FYCO1: variants seen among roughly 807,000 people sequenced by gnomAD.
FYCO1 encodes the protein FYVE and coiled-coil domain autophagy adaptor 1, also known as FYVE and coiled-coil domain-containing protein 1.
FYCO1 carries 122 observed loss-of-function variants against 165.1 expected under a neutral mutation model. The observed-to-expected ratio is 0.74, with a 90% CI of 0.64 to 0.86. The LOEUF (loss-of-function observed/expected upper bound fraction) is 0.86. FYCO1 is among the 40% of genes least tolerant of loss of function. FYCO1 has a pLI of 0.00. For missense variants in FYCO1, 1,702 were observed against 1,810.3 expected (o/e 0.94, Z 1.09); for synonymous variants, 648 against 742.5 (o/e 0.87, Z 2.07).
At chr3:45,934,639 T>C (rs536835354) in intron 15 of FYCO1, among the ~76,000 whole-genome samples, 10 of 152,348 alleles carry the variant, frequency 6.6e-5, no homozygotes, top group African/African-American at 2.4e-4. Context: ...GTTTGATATA[T>C]GAAAGTCAAT....
At chr3:45,979,082 G>C (rs969802406) in intron 4 of FYCO1, among the ~76,000 whole-genome samples, 1 of 151,916 alleles carries the variant, frequency 6.6e-6, no homozygotes, top group African/African-American at 2.4e-5. Context: ...GGATGGTCTC[G>C]ATCTCCTGAC....
At chr3:45,936,421 AG>A in intron 15 of FYCO1, 26 bp downstream of exon 15, 1 of 1,342,156 alleles carries the variant, frequency 7.5e-7, no homozygotes, top group Non-Finnish European at 1.1e-6. Context: ...ACACCTGGGG[AG>A]GGCCCAGGCA....
At chr3:45,934,494 T>C (rs1703789079) in intron 15 of FYCO1, among the ~76,000 whole-genome samples, 1 of 152,222 alleles carries the variant, frequency 6.6e-6, no homozygotes, top group Admixed American at 6.5e-5. Context: ...AGCACACATA[T>C]TTCAAATGCT....
intron 6 of FYCO1, among the ~76,000 whole-genome samples, chr3:45,972,806 G>A (rs781069667): frequency 3.3e-5 from 5 of 152,124 alleles, no homozygotes; most frequent in African/African-American, 9.7e-5. Flanking sequence ...CCCAATGCCC[G>A]TAACAACAAG....
rs1705247183 is a variant in FYCO1, at chr3:45,955,314, C to T, written c.3879G>A (p.Glu1293=). ...ITDEELCQIQ[E]SGSSLPETPT... ...GTGTTTCAGGCAAAGAGGAGCCGGA[C>T]TCCTGTATCTGGCACAATTCCTCAT... The change falls in exon 14 of 18, where the codon GAG becomes GAA. Residue 1293 remains glutamate, a synonymous_variant. Coordinates refer to ENST00000296137, the MANE Select transcript of FYCO1 (RefSeq NM_024513.4). 3.1e-6 allele frequency: 5 copies of T among 1,614,078 alleles called. No individual in the cohort carries two copies. The highest frequency in any genetic ancestry group is 1.3e-5 in the African/African-American group (1 of 74,932).
At chr3:45,989,623 A>G (rs1559470302) in intron 1 of FYCO1, among the ~76,000 whole-genome samples, 2 of 152,320 alleles carry the variant, frequency 1.3e-5, no homozygotes, top group East Asian at 1.9e-4. Flanking sequence ...ATCTTTCCCA[A>G]ACACTCCTTT....
chr3:45,934,756 C>T (rs1041516936), intron 15 of FYCO1, among the ~76,000 whole-genome samples: 18 of 152,198 alleles, frequency 1.2e-4, no homozygotes, highest in African/African-American at 3.6e-4. Context: ...CACGACCACC[C>T]AAGTTCTCTG....
chr3:45,928,322 A>C (rs1040063941), intron 16 of FYCO1, among the ~76,000 whole-genome samples: 4 of 152,168 alleles, frequency 2.6e-5, no homozygotes, highest in African/African-American at 9.7e-5. Context: ...GCCCACCCCA[A>C]CAGGCCATCG....
At chr3:45,979,991 C>A (rs1258335797) in intron 3 of FYCO1, among the ~76,000 whole-genome samples, 161 bp from the exon 4 acceptor site, 2 of 152,136 alleles carry the variant, frequency 1.3e-5, no homozygotes, top group South Asian at 2.1e-4. Context: ...TGTGTTAATA[C>A]CCTGTTCATA....
chr3:45,943,560 C>A (rs1404271811), intron 14 of FYCO1: 1 of 152,190 alleles, frequency 6.6e-6, no homozygotes, highest in Non-Finnish European at 1.5e-5. Context: ...TTGTTTTACT[C>A]TTTATATTGA....
chr3:45,972,155 G>T (rs1706480607), intron 6 of FYCO1, among the ~76,000 whole-genome samples: 1 of 152,146 alleles, frequency 6.6e-6, no homozygotes, highest in Non-Finnish European at 1.5e-5. Flanking sequence ...AAATGTAAAA[G>T]TTTTAAAAAG....
At chr3:45,958,165 T>C (rs149278138) in intron 13 of FYCO1, among the ~76,000 whole-genome samples, 7 of 152,340 alleles carry the variant, frequency 4.6e-5, no homozygotes, top group Non-Finnish European at 8.8e-5. Context: ...AACAGGTACA[T>C]AGACTTCAGG....
At chr3:45,959,344 C>A in intron 12 of FYCO1, 49 bp downstream of exon 12, 1 of 1,607,460 alleles carries the variant, frequency 6.2e-7, no homozygotes, top group Non-Finnish European at 8.5e-7. Context: ...CTGCTCTGGT[C>A]CTGGGCCCCA....
At chr3:45,979,149 C>G (rs1388213417) in intron 4 of FYCO1, among the ~76,000 whole-genome samples, 1 of 152,256 alleles carries the variant, frequency 6.6e-6, no homozygotes, top group East Asian at 1.9e-4. Flanking sequence ...CGTGAGCCAC[C>G]GCGCCCGGCC....
chr3:45,978,490 T>C (rs979992983), intron 4 of FYCO1, among the ~76,000 whole-genome samples: 1 of 152,182 alleles, frequency 6.6e-6, no homozygotes, highest in African/African-American at 2.4e-5. Context: ...TGTCCAGCCA[T>C]TGATGTCAGC....
chr3:45,966,342 G>A lies in FYCO1; in HGVS notation c.2992C>T (p.Gln998Ter). 6.2e-7 allele frequency: 1 copy of A among 1,614,198 alleles called. No individual in the cohort carries two copies. Among genetic ancestry groups the A allele is most frequent in the Non-Finnish European group, 8.5e-7 (1 of 1,180,012 alleles). ...RAQSLQEAAH[Q>*]ELNTLKFQLS... Reference sequence around the variant, plus strand: ...TGGAACTTGAGGGTGTTGAGCTCCTGGTGTGCAGCCTCTTGGAGGCTCTGG... The same window carrying A: ...TGGAACTTGAGGGTGTTGAGCTCCTAGTGTGCAGCCTCTTGGAGGCTCTGG... Residue 998 changes from glutamine (Q) to a stop codon, truncating the protein, a stop_gained, in exon 8 of 18, where the codon CAG becomes TAG. Transcript: ENST00000296137. LOFTEE classifies it high-confidence loss of function.
Position 45,959,594 on chromosome 3 carries a change from A to G in FYCO1, c.3438-52T>C, listed in dbSNP as rs558230365. On this transcript the variant is annotated intron_variant, in intron 11 of 17. Transcript: ENST00000296137. The stretch of plus-strand genomic sequence containing the variant: ...AGGAGAGAGAATCCATGAAAACAAT[A>G]GGATGATCCTTCTTCATTTCAAAAG... The G allele has an allele frequency of 3.2e-6, 5 of 1,563,678 alleles. No homozygotes were observed. The African/African-American group carries it at 5.4e-5, about 17-fold the overall frequency.
At chr3:45,956,527 C>T (rs1017681598) in intron 13 of FYCO1, among the ~76,000 whole-genome samples, 7 of 152,040 alleles carry the variant, frequency 4.6e-5, no homozygotes, top group Admixed American at 2.6e-4. Flanking sequence ...CCTGGACCTG[C>T]CACATGACCA....
At chr3:45,946,680 G>A (rs267599840) in intron 14 of FYCO1, 1 of 1,614,220 alleles carries the variant, frequency 6.2e-7, no homozygotes, top group Non-Finnish European at 8.5e-7. Flanking sequence ...GAGCCTGACG[G>A]ATGTGTTCCT....
Sources: gnomAD v4.1 joint callset for allele counts (sites outside exome capture counted in the v4.1 genomes callset) on GRCh38, gnomAD v4.1.1 for gene constraint, MANE v1.5 for transcripts, NCBI Gene and HGNC (gene_info 2026-07-23, HGNC 2026-07-21) for gene names.